INTS8: variants seen among roughly 807,000 people sequenced by gnomAD.
INTS8 encodes the protein integrator complex subunit 8.
In INTS8, 47 loss-of-function variants were observed where a neutral mutation model predicts 138.9. The observed-to-expected ratio is 0.34, with a 90% CI of 0.27 to 0.43. INTS8 has a LOEUF of 0.43. Ranked by LOEUF, INTS8 falls within the 20% of genes least tolerant of loss-of-function variation. The probability of loss-of-function intolerance (pLI) is 1.00; values close to 1 mark genes in which losing one functional copy is unlikely to be tolerated. For missense variants in INTS8, 996 were observed against 1,173.0 expected (o/e 0.85, Z 2.20); for synonymous variants, 392 against 400.9 (o/e 0.98, Z 0.27).
intron 13 of INTS8, among the ~76,000 whole-genome samples, chr8:94,853,154 A>G (rs943566837): frequency 1.8e-4 from 28 of 152,092 alleles, no homozygotes; most frequent in African/African-American, 6.5e-4. Context: ...TCTACTAAAA[A>G]TATAAAAATT....
intron 1 of INTS8, among the ~76,000 whole-genome samples, chr8:94,824,359 C>T (rs750413386): frequency 1.3e-5 from 2 of 152,116 alleles, no homozygotes; most frequent in Non-Finnish European, 2.9e-5. Flanking sequence ...TAATTCATTC[C>T]TTTTGAAAGA....
At chr8:94,841,986 T>A (rs1815151331) in intron 9 of INTS8, among the ~76,000 whole-genome samples, 1 of 151,878 alleles carries the variant, frequency 6.6e-6, no homozygotes. Context: ...CGAGAATCGC[T>A]TGAACCCAGG....
At chr8:94,861,303 C>T (rs1815969339) in intron 16 of INTS8, among the ~76,000 whole-genome samples, 1 of 99,780 alleles carries the variant, frequency 1.0e-5, no homozygotes, top group African/African-American at 4.0e-5. Flanking sequence ...GCTCTGTCGC[C>T]CAGGCTGGAG....
intron 13 of INTS8, among the ~76,000 whole-genome samples, chr8:94,852,511 A>G (rs1815582589): frequency 1.3e-5 from 2 of 152,144 alleles, no homozygotes; most frequent in South Asian, 4.1e-4. Flanking sequence ...TTAAAGCAAT[A>G]TGGTAATGCT....
intron 15 of INTS8, among the ~76,000 whole-genome samples, chr8:94,857,386 T>C (rs759492543): frequency 6.6e-6 from 1 of 152,134 alleles, no homozygotes; most frequent in Non-Finnish European, 1.5e-5. Flanking sequence ...TTTTATCATC[T>C]TTGAAAAAAG....
At chr8:94,840,156 T>A (rs1449691746) in intron 8 of INTS8, among the ~76,000 whole-genome samples, 1 of 152,240 alleles carries the variant, frequency 6.6e-6, no homozygotes, top group Non-Finnish European at 1.5e-5. Flanking sequence ...TTTTATGAAC[T>A]ATGTGGGTTT....
At chr8:94,842,259 G>A (rs1329205011) in intron 9 of INTS8, 88 bp from the exon 10 acceptor site, 1 of 770,410 alleles carries the variant, frequency 1.3e-6, no homozygotes, top group Non-Finnish European at 2.0e-6. Flanking sequence ...AAGAATAAAT[G>A]GCTCATTCTT....
At chr8:94,878,027 A>G (rs1403109314) in intron 26 of INTS8, among the ~76,000 whole-genome samples, 1 of 151,918 alleles carries the variant, frequency 6.6e-6, no homozygotes. Context: ...AGGTGTGGGA[A>G]CCCCTGCTAT....
At chr8:94,855,069 T>C (rs760910241) in intron 14 of INTS8, among the ~76,000 whole-genome samples, 3 of 152,282 alleles carry the variant, frequency 2.0e-5, no homozygotes, top group East Asian at 1.9e-4. Context: ...AATAAAAATT[T>C]TGGGGCCCTG....
chr8:94,824,900 A>G lies in INTS8; in HGVS notation c.138A>G (p.Ala46=), dbSNP rs552011973. The part of the protein sequence containing the change: ...KHLRKPCPDP[A]PVQLIVQFLE... ...TTTTCTTTTAAACCCTAGATCCTGC[A>G]CCAGTTCAACTTATAGTTCAGTTTT... Residue 46 remains alanine, a synonymous_variant, in exon 2 of 27, where the codon GCA becomes GCG. Transcript: ENST00000523731. The G allele has an allele frequency of 1.2e-6, 2 of 1,606,176 alleles. No individual in the cohort carries two copies. Among genetic ancestry groups the G allele is most frequent in the South Asian group, 1.1e-5 (1 of 90,908 alleles).
intron 20 of INTS8, among the ~76,000 whole-genome samples, chr8:94,871,085 G>C (rs923098397): frequency 6.6e-6 from 1 of 152,088 alleles, no homozygotes; most frequent in Non-Finnish European, 1.5e-5. Context: ...TTGCAAGAAG[G>C]CTTAAGGTGG....
intron 7 of INTS8, among the ~76,000 whole-genome samples, chr8:94,837,695 A>C (rs11784299): frequency 0.17 from 25,753 of 151,866 alleles, 2,312 homozygotes; most frequent in Middle Eastern, 0.27. Context: ...TAATTTTAAC[A>C]CTGTTTGCTC....
chr8:94,865,782 C>A, intron 17 of INTS8, 92 bp downstream of exon 17: 1 of 1,155,334 alleles, frequency 8.7e-7, no homozygotes, highest in Non-Finnish European at 1.3e-6. Flanking sequence ...ATTTCAAGAA[C>A]ATCAGCTTTT....
chr8:94,875,985 A>G (rs1816551988), intron 23 of INTS8, 89 bp from the exon 24 acceptor site: 18 of 872,646 alleles, frequency 2.1e-5, no homozygotes, highest in African/African-American at 3.3e-5. Flanking sequence ...AATGTGATCT[A>G]TAAGGCTTAA....
intron 18 of INTS8, chr8:94,866,898 A>T (rs1163804437): frequency 2.3e-6 from 1 of 428,254 alleles, no homozygotes; most frequent in Non-Finnish European, 4.2e-6. Flanking sequence ...GAGCGTGGAG[A>T]TAGCACCATA....
intron 23 of INTS8, among the ~76,000 whole-genome samples, chr8:94,874,833 C>T (rs1256001098): frequency 6.6e-6 from 1 of 151,992 alleles, no homozygotes; most frequent in African/African-American, 2.4e-5. Flanking sequence ...GGGAAAAAAG[C>T]ATTTTTCAGG....
At chr8:94,877,375 CAAT>C (rs978854669) in intron 26 of INTS8, among the ~76,000 whole-genome samples, 1 of 151,980 alleles carries the variant, frequency 6.6e-6, no homozygotes, top group African/African-American at 2.4e-5. Flanking sequence ...TTAGAAGAAA[CAAT>C]AATAACAGCA....
In INTS8 at chr8:94,881,091, A is replaced by G. The variant is rs1816791663; in HGVS notation, c.*857A>G. On this transcript the variant is annotated 3_prime_UTR_variant, in exon 27 of 27. Transcript: ENST00000523731. ...CCATTTGTAGAAATTCAAGTTTTAT[A>G]ATAGCTTGCTATAGCAGCTATAGAT... 1 of 397,284 alleles carries G rather than the reference A, an allele frequency of 2.5e-6. No homozygotes were observed. Among genetic ancestry groups the G allele is most frequent in the South Asian group, 1.4e-4 (1 of 7,252 alleles). 24.6% of individuals were successfully genotyped at this position (397,284 alleles called of 1,614,324 possible).
intron 12 of INTS8, 54 bp downstream of exon 12, chr8:94,850,145 A>G (rs1003977068): frequency 8.3e-7 from 1 of 1,200,328 alleles, no homozygotes; most frequent in Non-Finnish European, 1.2e-6. Context: ...CCCTCTATTC[A>G]AATTAACCTT....
Sources: allele counts gnomAD v4.1 joint callset (sites outside exome capture counted in the v4.1 genomes callset), GRCh38; gene constraint gnomAD v4.1.1; transcripts MANE v1.5; gene names NCBI Gene and HGNC (gene_info 2026-07-23, HGNC 2026-07-21).